Variants in MTR observed in about 807,000 individuals in gnomAD.
MTR encodes the protein 5-methyltetrahydrofolate-homocysteine methyltransferase, also known as methionine synthase.
In MTR, 84 loss-of-function variants were observed where a neutral mutation model predicts 154.8. That is an observed-to-expected ratio of 0.54 (90% CI 0.45 to 0.65). The LOEUF is 0.65. MTR is among the 30% of genes least tolerant of loss of function. The pLI, the probability that MTR is intolerant of heterozygous loss-of-function variation, is 0.00. For synonymous variants in MTR, 554 were observed against 553.9 expected, an observed-to-expected ratio of 1.00 and a Z score of 0.00; for missense variants, 1,275 against 1,570.2, an observed-to-expected ratio of 0.81 and a Z score of 3.18.
intron 1 of MTR, among the ~76,000 whole-genome samples, 154 bp downstream of exon 1, chr1:236,795,891 C>G (rs562575951): frequency 3.3e-5 from 5 of 152,346 alleles, no homozygotes; most frequent in East Asian, 3.9e-4. Context: ...CGCAGGAGCC[C>G]GGAGGGCTAC....
At chr1:236,876,630 C>G (rs1229701478) in intron 24 of MTR, among the ~76,000 whole-genome samples, 1 of 152,098 alleles carries the variant, frequency 6.6e-6, no homozygotes, top group Non-Finnish European at 1.5e-5. Flanking sequence ...ACACTACACT[C>G]AGAAATTTGC....
intron 1 of MTR, among the ~76,000 whole-genome samples, chr1:236,799,294 G>GC (rs552668318): frequency 0.013 from 1,800 of 141,092 alleles, 46 homozygotes; most frequent in African/African-American, 0.044. Context: ...GCTAATTTTT[G>GC]TTTTTTTTTT....
At chr1:236,862,128 C>T in intron 20 of MTR, 108 bp from the exon 21 acceptor site, 1 of 878,504 alleles carries the variant, frequency 1.1e-6, no homozygotes. Context: ...TGTAGCTGTC[C>T]TGAAGTCAAA....
chr1:236,891,380 A>G, intron 29 of MTR, 51 bp downstream of exon 29: 1 of 1,544,934 alleles, frequency 6.5e-7, no homozygotes, highest in Non-Finnish European at 8.9e-7. Flanking sequence ...TGTGAGTTTA[A>G]GCACTACACA....
chr1:236,849,832 T>C (rs946538641), intron 15 of MTR, among the ~76,000 whole-genome samples: 4 of 152,210 alleles, frequency 2.6e-5, no homozygotes, highest in Non-Finnish European at 5.9e-5. Flanking sequence ...AATAAATGCA[T>C]ATCCTTGAAT....
chr1:236,806,886 A>G (rs1354589110), intron 3 of MTR, among the ~76,000 whole-genome samples: 1 of 152,134 alleles, frequency 6.6e-6, no homozygotes, highest in Non-Finnish European at 1.5e-5. Flanking sequence ...TAATGTCCTC[A>G]AGGTTCATCC....
intron 8 of MTR, among the ~76,000 whole-genome samples, chr1:236,818,285 C>G (rs61831807): frequency 0.35 from 52,984 of 151,952 alleles, 9,984 homozygotes; most frequent in Non-Finnish European, 0.41. Flanking sequence ...AATAGGTGTA[C>G]CACACCAGTG....
At chr1:236,867,063 A>C (rs1177454034) in intron 22 of MTR, among the ~76,000 whole-genome samples, 1 of 152,188 alleles carries the variant, frequency 6.6e-6, no homozygotes, top group African/African-American at 2.4e-5. Context: ...GAAGGTGGCT[A>C]TGCTAACCAA....
chr1:236,886,318 A>G lies in MTR; in HGVS notation c.2802A>G (p.Gln934=), dbSNP rs963291512. The G allele has an allele frequency of 4.3e-6, 7 of 1,614,214 alleles. No homozygotes were observed. Among genetic ancestry groups the G allele is most frequent in the Non-Finnish European group, 5.9e-6 (7 of 1,180,030 alleles). ...LKERRYLPLS[Q]ARKSGFQMDW... is the part of the protein sequence containing the mutation. Reference sequence around the variant, plus strand: ...AGAGGAGATACTTACCCTTAAGTCAAGCCAGAAAAAGTGGTTTCCAAATGG... The same window carrying G: ...AGAGGAGATACTTACCCTTAAGTCAGGCCAGAAAAAGTGGTTTCCAAATGG... Residue 934 remains glutamine, a synonymous_variant, in exon 27 of 33, where the codon CAA becomes CAG. Transcript: ENST00000366577.
chr1:236,827,434 A>G (rs192083563), intron 11 of MTR, among the ~76,000 whole-genome samples: 14 of 152,274 alleles, frequency 9.2e-5, no homozygotes, highest in African/African-American at 3.4e-4. Flanking sequence ...ATAATTTTCA[A>G]TGTTTTTCCA....
At position 236,894,410 on chromosome 1, in the gene MTR, C is replaced by T. The variant is rs1268794013; in HGVS notation, c.3258C>T (p.Ile1086=). 14 of 1,614,094 alleles carry T rather than the reference C, an allele frequency of 8.7e-6. No individual in the cohort carries two copies. Among genetic ancestry groups the T allele is most frequent in the African/African-American group, 2.7e-5 (2 of 74,922 alleles). ...CATACTACTGCCTCTCAGACTTCAT[C>T]GCTCCCTTGCATTCTGGCATCCGTG... ...TEPYYCLSDF[I]APLHSGIRDY... The change falls in exon 30 of 33, where the codon ATC becomes ATT. Residue 1086 remains isoleucine, a synonymous_variant. Coordinates refer to ENST00000366577, the MANE Select transcript of MTR (RefSeq NM_000254.3).
intron 10 of MTR, 119 bp from the exon 11 acceptor site, chr1:236,826,710 T>G (rs1662308208): frequency 1.3e-6 from 1 of 796,484 alleles, no homozygotes; most frequent in Non-Finnish European, 2.2e-6. Context: ...TATGTTTGAC[T>G]CTCTTTTTAG....
chr1:236,806,713 ACT>A (rs1245051247), intron 3 of MTR, among the ~76,000 whole-genome samples: 1 of 151,976 alleles, frequency 6.6e-6, no homozygotes, highest in African/African-American at 2.4e-5. Flanking sequence ...CAAAACTGAA[ACT>A]CTGTACCCAT....
rs561159389 is a variant in MTR, at chr1:236,856,748, T to A, written c.1954-3085T>A. 2.0e-4 allele frequency among the ~76,000 whole-genome samples: 30 copies of A among 152,296 alleles called. No individual in the cohort carries two copies. In the South Asian group the frequency reaches 6.0e-3, roughly 31 times the overall value. ...TCCCTGTGTCCATGTGTTCTCATTG[T>A]TCAACTCCCACTTATGAGTGAGAAC... On this transcript the variant is annotated intron_variant, in intron 18 of 32. Transcript: ENST00000366577.
At chr1:236,895,687 C>A in intron 31 of MTR, 137 bp downstream of exon 31, 1 of 777,930 alleles carries the variant, frequency 1.3e-6, no homozygotes, top group Admixed American at 3.4e-5. Context: ...TGTCCTTTTT[C>A]ACTCGTAGCT....
chr1:236,848,621 G>A (rs547802872), intron 15 of MTR, among the ~76,000 whole-genome samples: 19 of 152,120 alleles, frequency 1.2e-4, no homozygotes, highest in Admixed American at 3.3e-4. Flanking sequence ...ATTCCATTAA[G>A]GAAGACGAAA....
rs1205619956 is a variant in MTR, at chr1:236,852,852, A to G, written c.1813-96A>G. ...GTAGCTGTGACAGAGGCTATGGCCT[A>G]AAATATTTCTCTCTGGCCCTTTACA... On this transcript the variant is annotated intron_variant, in intron 17 of 32. Coordinates refer to ENST00000366577, the MANE Select transcript of MTR (RefSeq NM_000254.3). 94 of 1,452,472 alleles carry G rather than the reference A, an allele frequency of 6.5e-5. No homozygotes were observed. In the South Asian group the frequency reaches 9.5e-4, roughly 15 times the overall value. 90.0% of individuals were successfully genotyped at this position (1,452,472 alleles called of 1,614,324 possible).
At chr1:236,859,988 C>T (rs188820185) in intron 19 of MTR, 66 bp downstream of exon 19, 170 of 1,303,624 alleles carry the variant, frequency 1.3e-4, no homozygotes, top group Admixed American at 6.2e-4. Flanking sequence ...CTGTTGTGGG[C>T]GGTGTGACAG....
chr1:236,825,518 A>G, intron 10 of MTR, 119 bp downstream of exon 10: 2 of 1,031,752 alleles, frequency 1.9e-6, no homozygotes, highest in Non-Finnish European at 3.0e-6. Context: ...TAACAAAGAA[A>G]AGTTTAGCTA....
Sources: gnomAD v4.1 joint callset for allele counts (sites outside exome capture counted in the v4.1 genomes callset) on GRCh38, gnomAD v4.1.1 for gene constraint, MANE v1.5 for transcripts, NCBI Gene and HGNC (gene_info 2026-07-23, HGNC 2026-07-21) for gene names.